The following BEND7 variants were observed in gnomAD, a reference collection of about 807,000 sequenced individuals.
The protein encoded by BEND7 is BEN domain-containing protein 7.
BEND7 carries 28 observed loss-of-function variants against 50.9 expected under a neutral mutation model. The observed-to-expected ratio is 0.55, with a 90% CI of 0.41 to 0.75. BEND7 has a LOEUF of 0.75. Among genes scored for constraint, BEND7 ranks in the 30% least tolerant of loss-of-function variants. BEND7 has a pLI of 0.00. For missense variants in BEND7, 477 were observed against 491.3 expected (o/e 0.97, Z 0.28); for synonymous variants, 170 against 183.9 (o/e 0.92, Z 0.61).
At chr10:13,498,074 T>TTC (rs1264517934) in intron 3 of BEND7, among the ~76,000 whole-genome samples, 2 of 88,940 alleles carry the variant, frequency 2.2e-5, no homozygotes, top group African/African-American at 9.5e-5. Flanking sequence ...TCTTTTTCTT[T>TTC]TTTTTTTTTT....
At chr10:13,471,133 G>A (rs574739660) in intron 6 of BEND7, among the ~76,000 whole-genome samples, 2 of 152,264 alleles carry the variant, frequency 1.3e-5, no homozygotes, top group East Asian at 3.9e-4. Flanking sequence ...ATAGACATTT[G>A]TCATTTATTT....
intron 2 of BEND7, among the ~76,000 whole-genome samples, chr10:13,519,811 A>G (rs2078961119): frequency 6.6e-6 from 1 of 152,258 alleles, no homozygotes; most frequent in African/African-American, 2.4e-5. Flanking sequence ...AAAAACCGAT[A>G]GGAGAGACAG....
Position 13,441,424 on chromosome 10 carries a change from C to T in BEND7, c.*319G>A, listed in dbSNP as rs541703285. The T allele has an allele frequency of 1.3e-5, 15 of 1,170,508 alleles. No homozygotes were observed. The Admixed American group carries it at 2.2e-4, about 17-fold the overall frequency. The allele number at this position is 1,170,508 out of a possible 1,614,324, so 72.5% of individuals were successfully genotyped here. On this transcript the variant is annotated 3_prime_UTR_variant, in exon 9 of 9. Transcript: ENST00000466271. ...CTGTTGCAGTTTTGATACGTATTTC[C>T]AGTGTGTAGATCCGTTCATCGCACA...
intron 1 of BEND7, chr10:13,527,841 C>T (rs1201036093): frequency 1.0e-6 from 1 of 983,900 alleles, no homozygotes; most frequent in Non-Finnish European, 1.2e-6. Context: ...GTGTGGTGTA[C>T]ACCTGTTAAT....
At chr10:13,442,935 C>T (rs994422714) in intron 8 of BEND7, 12 of 152,204 alleles carry the variant, frequency 7.9e-5, no homozygotes, top group African/African-American at 2.9e-4. Context: ...TCTTGGCCTT[C>T]ACAACTGCTC....
chr10:13,443,869 A>C (rs1835733209), intron 8 of BEND7: 1 of 152,248 alleles, frequency 6.6e-6, no homozygotes, highest in South Asian at 2.1e-4. Context: ...ACATTTGAGA[A>C]AAATCATCCA....
At chr10:13,504,913 T>C in intron 2 of BEND7, among the ~76,000 whole-genome samples, 1 of 152,158 alleles carries the variant, frequency 6.6e-6, no homozygotes. Context: ...AAAGAATTTA[T>C]GACACATAGT....
In BEND7 at chr10:13,469,398, G is replaced by A. The variant is rs569905222; in HGVS notation, c.1063+11501C>T. On this transcript the variant is annotated intron_variant, in intron 6 of 8. Coordinates refer to ENST00000466271, the MANE Select transcript of BEND7 (RefSeq NM_001369863.1). Reference sequence around the variant, plus strand: ...GGGTTTTTTACAGATAGGTACAGCCGTGCTTTGCTCTTATACAAAAATGTC... The same window carrying A: ...GGGTTTTTTACAGATAGGTACAGCCATGCTTTGCTCTTATACAAAAATGTC... 8.5e-5 allele frequency among the ~76,000 whole-genome samples: 13 copies of A among 152,250 alleles called. 1 individual carries two copies. The highest frequency in any genetic ancestry group is 4.1e-4 in the South Asian group (2 of 4,820).
intron 2 of BEND7, among the ~76,000 whole-genome samples, chr10:13,504,568 G>T (rs140478806): frequency 6.6e-6 from 1 of 152,180 alleles, no homozygotes; most frequent in Non-Finnish European, 1.5e-5. Context: ...ACTTCTACTG[G>T]TATTTCCAGT....
At chr10:13,472,764 T>G (rs1286251709) in intron 6 of BEND7, among the ~76,000 whole-genome samples, 1 of 151,734 alleles carries the variant, frequency 6.6e-6, no homozygotes. Context: ...ACTGTTAGAC[T>G]CAGGGTCAAT....
At chr10:13,462,592 C>G (rs1840432983) in intron 6 of BEND7, among the ~76,000 whole-genome samples, 1 of 152,048 alleles carries the variant, frequency 6.6e-6, no homozygotes, top group South Asian at 2.1e-4. Flanking sequence ...CTGAGTGGAA[C>G]AGGGAGATAG....
chr10:13,452,738 GA>G lies in BEND7; in HGVS notation c.1064-81del, dbSNP rs565668152. On this transcript the variant is annotated intron_variant, in intron 6 of 8. Coordinates refer to ENST00000466271, the MANE Select transcript of BEND7 (RefSeq NM_001369863.1). The stretch of plus-strand genomic sequence containing the variant: ...CTGAAACAGAAATATATTCTAAAAA[GA>G]AAAAAAAGTAGATTTCTAAAGGAGG... 1.8e-3 allele frequency: 2,365 copies of G among 1,329,822 alleles called. 55 individuals are homozygous for G. The South Asian group carries it at 0.028, about 16-fold the overall frequency. 82.4% of individuals were successfully genotyped at this position (1,329,822 alleles called of 1,614,324 possible).
At chr10:13,465,033 G>C (rs11812266) in intron 6 of BEND7, among the ~76,000 whole-genome samples, 9,225 of 152,200 alleles carry the variant, frequency 0.061, 843 homozygotes, top group African/African-American at 0.2. Context: ...AAATAACAAT[G>C]TCCAGTGTTC....
At chr10:13,505,320 T>G (rs2077792150) in intron 2 of BEND7, among the ~76,000 whole-genome samples, 1 of 152,196 alleles carries the variant, frequency 6.6e-6, no homozygotes, top group Non-Finnish European at 1.5e-5. Flanking sequence ...TGTGCAGATA[T>G]GCCACAGTAA....
chr10:13,499,903 C>T lies in BEND7; in HGVS notation c.323G>A (p.Ser108Asn). The T allele has an allele frequency of 6.2e-7, 1 of 1,614,176 alleles. No homozygotes were observed. Among genetic ancestry groups the T allele is most frequent in the Non-Finnish European group, 8.5e-7 (1 of 1,180,024 alleles). Residue 108 changes from serine (S) to asparagine (N), a missense_variant, in exon 3 of 9, where the codon AGC becomes AAC. Ser to Asn is a conservative substitution (Grantham distance 46). Coordinates refer to ENST00000466271, the MANE Select transcript of BEND7 (RefSeq NM_001369863.1). ...CACACCACGTGAAGACGGGTGGAGG[C>T]TTTGCGGGGCCTCAGCAGAGGAGTT... Reference protein sequence around the residue: ...RLNSSAEAPQSLHPSSRGVWN... With the variant: ...RLNSSAEAPQNLHPSSRGVWN...
At chr10:13,528,321 G>A (rs2079556602) in intron 1 of BEND7, among the ~76,000 whole-genome samples, 152 bp downstream of exon 1, 1 of 151,008 alleles carries the variant, frequency 6.6e-6, no homozygotes, top group African/African-American at 2.4e-5. Flanking sequence ...CGGCGTGTGC[G>A]GCCGCGGCCC....
At chr10:13,494,166 C>T (rs2076867281) in intron 4 of BEND7, among the ~76,000 whole-genome samples, 1 of 152,148 alleles carries the variant, frequency 6.6e-6, no homozygotes, top group South Asian at 2.1e-4. Flanking sequence ...CCCCTGTAAT[C>T]CCAGCACTTT....
Position 13,527,919 on chromosome 10 carries a change from G to T in BEND7, c.61+554C>A, listed in dbSNP as rs1231880926. The T allele has an allele frequency of 3.7e-6, 3 of 814,000 alleles. No individual in the cohort carries two copies. The African/African-American group carries it at 5.5e-5, about 15-fold the overall frequency. 50.4% of individuals were successfully genotyped at this position (814,000 alleles called of 1,614,324 possible). ...TCTTTTTTTTAAAGGATGCTTATCTGACTGCTATATGATCTAGTCTAAAAC... is the reference window on the plus strand; with the variant it reads ...TCTTTTTTTTAAAGGATGCTTATCTTACTGCTATATGATCTAGTCTAAAAC... On this transcript the variant is annotated intron_variant, in intron 1 of 8. Coordinates refer to ENST00000466271, the MANE Select transcript of BEND7 (RefSeq NM_001369863.1).
In BEND7 at chr10:13,447,194, G is replaced by A. The variant is rs375242594; in HGVS notation, c.1234+72C>T. 2.7e-3 allele frequency: 4,110 copies of A among 1,499,616 alleles called. 10 individuals carry two copies. Among genetic ancestry groups the A allele is most frequent in the Non-Finnish European group, 3.0e-3 (3,298 of 1,091,348 alleles). The allele number at this position is 1,499,616 out of a possible 1,614,324, so 92.9% of individuals were successfully genotyped here. On this transcript the variant is annotated intron_variant, in intron 8 of 8. Transcript: ENST00000466271. ...TGTCTGCATGTCTAATGTTAAAATC[G>A]TTTTCAATGCAAATAGTTTTGTGGG... is the stretch of plus-strand genomic sequence containing the variant.
Sources: allele counts gnomAD v4.1 joint callset (sites outside exome capture counted in the v4.1 genomes callset), GRCh38; gene constraint gnomAD v4.1.1; transcripts MANE v1.5; gene names NCBI Gene and HGNC (gene_info 2026-07-23, HGNC 2026-07-21).